Variants in DDB1 observed in about 807,000 individuals in gnomAD.
The protein encoded by DDB1 is damage specific DNA binding protein 1, also known as DNA damage-binding protein 1.
A neutral mutation model predicts 133.1 loss-of-function variants in DDB1; 18 were observed. The observed-to-expected ratio is 0.14, with a 90% CI of 0.09 to 0.20. DDB1 has a LOEUF of 0.20. DDB1 is among the 10% of genes least tolerant of loss of function. The probability of loss-of-function intolerance (pLI) is 1.00; values close to 1 mark genes in which losing one functional copy is unlikely to be tolerated. For synonymous variants in DDB1, 580 were observed against 550.5 expected (o/e 1.05, Z -0.75); for missense variants, 828 against 1,459.2 (o/e 0.57, Z 7.05).
intron 21 of DDB1, among the ~76,000 whole-genome samples, chr11:61,305,285 G>C (rs1178421619): frequency 6.6e-6 from 1 of 152,236 alleles, no homozygotes; most frequent in African/African-American, 2.4e-5. Context: ...AAGGCAGGCG[G>C]ATCACGAGGT....
In DDB1 at chr11:61,332,929, C is replaced by T; in HGVS notation, c.40G>A (p.Ala14Thr). 1 of 1,511,894 alleles carries T rather than the reference C, an allele frequency of 6.6e-7. No homozygotes were observed. The allele number at this position is 1,511,894 out of a possible 1,614,324, so 93.7% of individuals were successfully genotyped here. Residue 14 changes from alanine to threonine, a missense_variant, in exon 1 of 27, where the codon GCC (alanine) becomes ACC (threonine). Ala to Thr is a moderately conservative substitution (Grantham distance 58). Coordinates refer to ENST00000301764, the MANE Select transcript of DDB1 (RefSeq NM_001923.5). ...NYVVTAQKPT[A>T]VNGCVTGHFT... ...TCACCGGTCACGCAGCCGTTCACGG[C>T]GGTGGGCTTCTGGGCCGTTACCACG...
Position 61,300,223 on chromosome 11 carries a change from C to A in DDB1, c.3340-4G>T. ...TCATACCGCTGCCATCGTCATACTG[C>A]AATGAGAAGATGGGCGGGGCTGTGA... On this transcript the variant is annotated splice_region_variant and splice_polypyrimidine_tract_variant and intron_variant, in intron 26 of 26. Transcript: ENST00000301764. The A allele has an allele frequency of 6.2e-7, 1 of 1,613,940 alleles. No individual in the cohort carries two copies. Among genetic ancestry groups the A allele is most frequent in the South Asian group, 1.1e-5 (1 of 91,004 alleles).
chr11:61,310,532 C>T, intron 18 of DDB1, 114 bp from the exon 19 acceptor site: 1 of 1,273,646 alleles, frequency 7.9e-7, no homozygotes, highest in Non-Finnish European at 1.0e-6. Flanking sequence ...GCCAAGAACT[C>T]TGATGGCTGG....
At chr11:61,317,713 A>G (rs111470048) in intron 10 of DDB1, among the ~76,000 whole-genome samples, 1 of 152,186 alleles carries the variant, frequency 6.6e-6, no homozygotes, top group African/African-American at 2.4e-5. Flanking sequence ...TCACCGTGTT[A>G]GCCAGGATGG....
In DDB1 at chr11:61,309,786, G is replaced by A. The variant is rs768122609; in HGVS notation, c.2566+10C>T. Reference sequence around the variant, plus strand: ...ACATCCCTCAGAAACTGGAGACTGCGCCCACTTACCATCCGAATACTGAAA... The same window carrying A: ...ACATCCCTCAGAAACTGGAGACTGCACCCACTTACCATCCGAATACTGAAA... On this transcript the variant is annotated intron_variant, in intron 20 of 26. Coordinates refer to ENST00000301764, the MANE Select transcript of DDB1 (RefSeq NM_001923.5). The A allele has an allele frequency of 2.1e-5, 33 of 1,607,648 alleles. No homozygotes were observed. The highest frequency in any genetic ancestry group is 2.0e-4 in the East Asian group (9 of 44,774).
chr11:61,302,545 G>A, intron 24 of DDB1, 37 bp downstream of exon 24: 1 of 1,610,726 alleles, frequency 6.2e-7, no homozygotes, highest in Middle Eastern at 1.7e-4. Context: ...CAGGAAGGAG[G>A]CCTGTGTGGG....
At position 61,306,907 on chromosome 11, in the gene DDB1, C is replaced by T. The variant is rs1855890451; in HGVS notation, c.2661+2076G>A. 2.0e-5 allele frequency among the ~76,000 whole-genome samples: 3 copies of T among 152,058 alleles called. No homozygotes were observed. In the South Asian group the frequency reaches 6.2e-4, roughly 32 times the overall value. ...AACCTCTCAGAAATAATGCATTTTC[C>T]TACTCCTCTCACTCTTCTGGTCCTA... On this transcript the variant is annotated intron_variant, in intron 21 of 26. Coordinates refer to ENST00000301764, the MANE Select transcript of DDB1 (RefSeq NM_001923.5).
intron 18 of DDB1, chr11:61,310,683 G>A: frequency 3.3e-6 from 1 of 306,724 alleles, no homozygotes; most frequent in South Asian, 7.2e-5. Flanking sequence ...AGGAACTCAG[G>A]TGACCTAATG....
At chr11:61,303,819 G>A (rs761292811) in intron 22 of DDB1, 46 bp downstream of exon 22, 13 of 1,603,298 alleles carry the variant, frequency 8.1e-6, no homozygotes, top group East Asian at 4.5e-5. Flanking sequence ...TTGCAGGGGC[G>A]GTGGCTCAAG....
intron 12 of DDB1, chr11:61,314,823 CTTTTTTT>C (rs549452269): frequency 3.7e-5 from 3 of 81,170 alleles, no homozygotes; most frequent in Admixed American, 1.5e-4. Context: ...AGTTTTTTGG[CTTTTTTT>C]TTTTTTTTTT....
intron 10 of DDB1, among the ~76,000 whole-genome samples, chr11:61,317,506 T>C (rs578000250): frequency 1.3e-5 from 2 of 152,312 alleles, no homozygotes; most frequent in African/African-American, 4.8e-5. Flanking sequence ...TATTTATTTA[T>C]TTATTTACTT....
In DDB1 at chr11:61,321,700, G is replaced by A. The variant is rs755940862; in HGVS notation, c.1123-3C>T. The A allele has an allele frequency of 1.2e-6, 2 of 1,614,026 alleles. No homozygotes were observed. Among genetic ancestry groups the A allele is most frequent in the East Asian group, 2.2e-5 (1 of 44,890 alleles). On this transcript the variant is annotated splice_region_variant and splice_polypyrimidine_tract_variant and intron_variant, in intron 9 of 26. Coordinates refer to ENST00000301764, the MANE Select transcript of DDB1 (RefSeq NM_001923.5). The stretch of plus-strand genomic sequence containing the variant: ...AAAGCCCCAGAGCAAGTGACCAGCT[G>A]CAAGCAGAGAAAACGTTTCTAAAGA...
chr11:61,332,895 C>T lies in DDB1; in HGVS notation c.61+13G>A, dbSNP rs1478394058. ...CCCTCACTCGCCGGGGTCTCCGGCCCCGGCAGCCTCACCGGTCACGCAGCC... is the reference window on the plus strand; with the variant it reads ...CCCTCACTCGCCGGGGTCTCCGGCCTCGGCAGCCTCACCGGTCACGCAGCC... On this transcript the variant is annotated intron_variant, in intron 1 of 26. Coordinates refer to ENST00000301764, the MANE Select transcript of DDB1 (RefSeq NM_001923.5). 6.8e-7 allele frequency: 1 copy of T among 1,478,612 alleles called. No individual in the cohort carries two copies. The highest frequency in any genetic ancestry group is 9.1e-7 in the Non-Finnish European group (1 of 1,104,932). 91.6% of individuals were successfully genotyped at this position (1,478,612 alleles called of 1,614,324 possible).
intron 25 of DDB1, chr11:61,301,977 C>G (rs1338457744): frequency 1.1e-5 from 3 of 283,314 alleles, no homozygotes; most frequent in Non-Finnish European, 2.0e-5. Flanking sequence ...GCCTGCTACA[C>G]CGAGAGGGCC....
chr11:61,312,119 C>T, intron 16 of DDB1, 35 bp from the exon 17 acceptor site: 1 of 1,602,194 alleles, frequency 6.2e-7, no homozygotes, highest in Non-Finnish European at 8.6e-7. Context: ...ACTGAGGAGA[C>T]TCAAGGAAGG....
intron 10 of DDB1, among the ~76,000 whole-genome samples, chr11:61,318,144 T>C (rs1288538424): frequency 1.3e-5 from 2 of 152,260 alleles, no homozygotes; most frequent in South Asian, 2.1e-4. Context: ...GAACAATATA[T>C]GCTTGAAGCC....
rs111303952 is a variant in DDB1 at position 61,307,315 on chromosome 11, A to T, written c.2661+1668T>A. 3.3e-5 allele frequency among the ~76,000 whole-genome samples: 5 copies of T among 152,386 alleles called. 1 individual carries two copies. Among genetic ancestry groups the T allele is most frequent in the African/African-American group, 1.2e-4 (5 of 41,598 alleles). On this transcript the variant is annotated intron_variant, in intron 21 of 26. Transcript: ENST00000301764. Reference sequence around the variant, plus strand: ...ACTCTCCGCTGAGGCGACTGCAATCAGGTTTCTAGCCCCACCACTCAACCA... The same window carrying T: ...ACTCTCCGCTGAGGCGACTGCAATCTGGTTTCTAGCCCCACCACTCAACCA...
chr11:61,323,798 A>G (rs1856224132), intron 7 of DDB1, 181 bp downstream of exon 7: 1 of 618,694 alleles, frequency 1.6e-6, no homozygotes, highest in African/African-American at 1.8e-5. Flanking sequence ...AGATTATCAC[A>G]GGATCCTGTG....
Position 61,316,054 on chromosome 11 carries a change from A to G in DDB1, c.1410+231T>C. The G allele has an allele frequency of 6.8e-6, 3 of 442,372 alleles. No homozygotes were observed. In the East Asian group the frequency reaches 1.0e-4, roughly 15 times the overall value. The allele number at this position is 442,372 out of a possible 1,614,324, so 27.4% of individuals were successfully genotyped here. On this transcript the variant is annotated intron_variant, in intron 12 of 26. Transcript: ENST00000301764. ...TAATGACCCGAGTCTATAAAAGAAA[A>G]TGTAAATAAATACACAGACATTTGC...
Sources: gnomAD v4.1 joint callset for allele counts (sites outside exome capture counted in the v4.1 genomes callset) on GRCh38, gnomAD v4.1.1 for gene constraint, MANE v1.5 for transcripts, NCBI Gene and HGNC (gene_info 2026-07-23, HGNC 2026-07-21) for gene names.